DLGAP1: variants seen among roughly 807,000 people sequenced by gnomAD.
DLGAP1 encodes disks large-associated protein 1.
In DLGAP1, 11 loss-of-function variants were observed where a neutral mutation model predicts 90.8. That is an observed-to-expected ratio of 0.12 (90% confidence interval 0.08 to 0.20). DLGAP1 has a LOEUF of 0.20. Ranked by LOEUF, DLGAP1 falls within the 10% of genes least tolerant of loss-of-function variation. The pLI is 1.00. For missense variants in DLGAP1, 1,050 were observed against 1,333.8 expected (o/e 0.79, Z 3.31); for synonymous variants, 558 against 540.7 (o/e 1.03, Z -0.44).
intron 1 of DLGAP1, among the ~76,000 whole-genome samples, chr18:4,188,456 C>T (rs2077337849): frequency 6.6e-6 from 1 of 152,096 alleles, no homozygotes; most frequent in Non-Finnish European, 1.5e-5. Flanking sequence ...CTAATCCTCT[C>T]CCTCCCCTTG....
intron 4 of DLGAP1, among the ~76,000 whole-genome samples, chr18:3,829,884 T>C (rs1221987282): frequency 6.6e-6 from 1 of 152,126 alleles, no homozygotes; most frequent in Non-Finnish European, 1.5e-5. Flanking sequence ...ACTAACCATA[T>C]AGACAGGAAT....
At chr18:3,700,768 C>A (rs2061255179) in intron 7 of DLGAP1, among the ~76,000 whole-genome samples, 1 of 152,104 alleles carries the variant, frequency 6.6e-6, no homozygotes, top group South Asian at 2.1e-4. Context: ...CACCACCACG[C>A]CCGGCTAATT....
intron 7 of DLGAP1, chr18:3,607,278 C>T (rs2145842569): frequency 1.3e-5 from 2 of 152,290 alleles, no homozygotes; most frequent in South Asian, 4.1e-4. Context: ...CCGCCTCAGC[C>T]TCCAGAGTAG....
In DLGAP1 at chr18:3,935,010, A is replaced by G. The variant is rs78241275; in HGVS notation, c.-72-54870T>C. ...CCTTGTTGTGCCTCAGATTTTTTAA[A>G]TCTTTGGAACTGGAACAAAATCATC... On this transcript the variant is annotated intron_variant, in intron 3 of 12. Coordinates refer to ENST00000315677, the MANE Select transcript of DLGAP1 (RefSeq NM_004746.4). Among the ~76,000 whole-genome samples, 987 of 152,322 alleles carry G rather than the reference A, an allele frequency of 6.5e-3. 12 individuals carry two copies. The highest frequency in any genetic ancestry group is 0.023 in the African/African-American group (939 of 41,576).
At chr18:3,854,489 G>C (rs1363655810) in intron 4 of DLGAP1, among the ~76,000 whole-genome samples, 3 of 152,172 alleles carry the variant, frequency 2.0e-5, no homozygotes, top group African/African-American at 7.2e-5. Flanking sequence ...TTAGAAACAA[G>C]TTGTTCTTTC....
At chr18:4,172,988 T>C (rs1213538822) in intron 1 of DLGAP1, among the ~76,000 whole-genome samples, 2 of 152,346 alleles carry the variant, frequency 1.3e-5, no homozygotes, top group East Asian at 1.9e-4. Flanking sequence ...TAGAGAACAA[T>C]CTTTTCTTCA....
chr18:3,817,950 T>C (rs546749510), intron 4 of DLGAP1, among the ~76,000 whole-genome samples: 8 of 152,306 alleles, frequency 5.3e-5, no homozygotes, highest in African/African-American at 1.9e-4. Context: ...GAAGGAAAGC[T>C]GGAGCAGAGA....
intron 1 of DLGAP1, among the ~76,000 whole-genome samples, chr18:4,453,378 C>T (rs528167420): frequency 2.8e-4 from 43 of 152,220 alleles, no homozygotes; most frequent in African/African-American, 8.4e-4. Context: ...ATTCTTCTGG[C>T]ATGAAATAAA....
intron 1 of DLGAP1, among the ~76,000 whole-genome samples, chr18:4,201,142 T>C (rs1011847870): frequency 2.2e-4 from 33 of 152,076 alleles, no homozygotes; most frequent in African/African-American, 7.5e-4. Context: ...AGAAGCTTTT[T>C]AGTTTAGTTC....
chr18:3,602,615 A>AAC (rs2057125920), intron 7 of DLGAP1, among the ~76,000 whole-genome samples: 1 of 151,166 alleles, frequency 6.6e-6, no homozygotes, highest in African/African-American at 2.4e-5. Context: ...AAAAAAAAAA[A>AAC]ACAAAGAAAC....
chr18:3,806,714 G>C (rs573211850), intron 5 of DLGAP1, among the ~76,000 whole-genome samples: 2 of 152,208 alleles, frequency 1.3e-5, no homozygotes, highest in South Asian at 2.1e-4. Context: ...AAGAGAAGCC[G>C]TCCTGGAAGG....
intron 6 of DLGAP1, among the ~76,000 whole-genome samples, chr18:3,733,526 G>T (rs75195310): frequency 0.071 from 10,861 of 152,088 alleles, 1,217 homozygotes; most frequent in African/African-American, 0.24. Flanking sequence ...ATATTGTGGG[G>T]TTTTTTTGTT....
intron 1 of DLGAP1, among the ~76,000 whole-genome samples, chr18:4,422,561 A>G (rs1237960596): frequency 6.6e-6 from 1 of 152,034 alleles, no homozygotes; most frequent in Non-Finnish European, 1.5e-5. Context: ...TACATTTATA[A>G]TTCTTAAAAC....
In DLGAP1 at chr18:4,242,869, A is replaced by G. The variant is rs938896034; in HGVS notation, c.-266-91582T>C. The stretch of plus-strand genomic sequence containing the variant: ...CACAATGAGGGCAATTACACATGTA[A>G]TACCCATGATGAGGGCTAGGTCACA... On this transcript the variant is annotated intron_variant, in intron 1 of 12. Coordinates refer to ENST00000315677, the MANE Select transcript of DLGAP1 (RefSeq NM_004746.4). Among the ~76,000 whole-genome samples the G allele has an allele frequency of 2.6e-5, 4 of 152,128 alleles. No individual in the cohort carries two copies. The East Asian group carries it at 5.8e-4, about 22-fold the overall frequency.
At chr18:3,847,137 C>T (rs769285137) in intron 4 of DLGAP1, among the ~76,000 whole-genome samples, 1 of 152,000 alleles carries the variant, frequency 6.6e-6, no homozygotes, top group Non-Finnish European at 1.5e-5. Context: ...CTTGTAATAT[C>T]TTTTTCTTGT....
At chr18:4,095,761 C>T (rs975585169) in intron 2 of DLGAP1, among the ~76,000 whole-genome samples, 2 of 151,748 alleles carry the variant, frequency 1.3e-5, no homozygotes, top group Non-Finnish European at 2.9e-5. Flanking sequence ...TTGGGATACA[C>T]ATTGATGAAT....
chr18:3,529,295 G>C (rs1033673429), intron 10 of DLGAP1, among the ~76,000 whole-genome samples: 1 of 152,094 alleles, frequency 6.6e-6, no homozygotes, highest in Non-Finnish European at 1.5e-5. Context: ...GCAAGAAGGC[G>C]CCATCTTTGA....
intron 2 of DLGAP1, among the ~76,000 whole-genome samples, chr18:4,136,531 A>T (rs2076404174): frequency 1.3e-5 from 2 of 152,148 alleles, no homozygotes; most frequent in Non-Finnish European, 2.9e-5. Flanking sequence ...TGGTATTTGT[A>T]TGTCTTGTTT....
chr18:4,004,282 TC>T (rs1372540566), intron 3 of DLGAP1, among the ~76,000 whole-genome samples: 1 of 152,190 alleles, frequency 6.6e-6, no homozygotes, highest in African/African-American at 2.4e-5. Flanking sequence ...TTAATATTTT[TC>T]CCAGTGATTG....
Sources: allele counts gnomAD v4.1 joint callset (sites outside exome capture counted in the v4.1 genomes callset), GRCh38; gene constraint gnomAD v4.1.1; transcripts MANE v1.5; gene names NCBI Gene and HGNC (gene_info 2026-07-23, HGNC 2026-07-21).